Variants in GATAD2B observed in about 807,000 individuals in gnomAD.
GATAD2B encodes transcriptional repressor p66-beta.
In GATAD2B, 8 loss-of-function variants were observed where a neutral mutation model predicts 64.3. The ratio of observed to expected loss-of-function variants is 0.12; its 90% CI spans 0.07 to 0.22. The LOEUF (loss-of-function observed/expected upper bound fraction) is 0.22. Among genes scored for constraint, GATAD2B ranks in the 10% least tolerant of loss-of-function variants. The pLI, the probability that GATAD2B is intolerant of heterozygous loss-of-function variation, is 1.00. For synonymous variants in GATAD2B, 281 were observed against 271.3 expected, an observed-to-expected ratio of 1.04 and a Z score of -0.35; for missense variants, 453 against 752.0, an observed-to-expected ratio of 0.60 and a Z score of 4.65.
intron 1 of GATAD2B, among the ~76,000 whole-genome samples, chr1:153,919,994 C>T (rs897120877): frequency 1.3e-5 from 2 of 152,286 alleles, no homozygotes; most frequent in East Asian, 3.9e-4. Context: ...CTCAATGAGC[C>T]AAGCAACATG....
intron 1 of GATAD2B, among the ~76,000 whole-genome samples, chr1:153,851,802 A>C (rs1315254357): frequency 1.3e-5 from 2 of 152,174 alleles, no homozygotes; most frequent in Non-Finnish European, 2.9e-5. Context: ...ATTCAACACA[A>C]ACAGTAACAG....
At chr1:153,880,106 G>A (rs1676962849) in intron 1 of GATAD2B, among the ~76,000 whole-genome samples, 1 of 151,946 alleles carries the variant, frequency 6.6e-6, no homozygotes, top group Non-Finnish European at 1.5e-5. Flanking sequence ...CTGGCTTTTT[G>A]CTTCTCCTTA....
chr1:153,885,618 A>T (rs2101943665), intron 1 of GATAD2B, among the ~76,000 whole-genome samples: 2 of 152,084 alleles, frequency 1.3e-5, no homozygotes, highest in South Asian at 4.1e-4. Context: ...CTGTAATCCC[A>T]GCACTTTGGG....
intron 1 of GATAD2B, chr1:153,852,394 A>G (rs1320758350): frequency 1.1e-5 from 9 of 808,420 alleles, no homozygotes; most frequent in Admixed American, 1.0e-4. Context: ...CTGACCTTGG[A>G]TGTTCTGTGG....
At chr1:153,847,863 G>C (rs555603034) in intron 1 of GATAD2B, among the ~76,000 whole-genome samples, 1 of 151,884 alleles carries the variant, frequency 6.6e-6, no homozygotes, top group Non-Finnish European at 1.5e-5. Flanking sequence ...ATTTTCAACT[G>C]TGTTGGATAT....
At chr1:153,811,966 G>T in intron 9 of GATAD2B, 56 bp downstream of exon 9, 2 of 1,318,746 alleles carry the variant, frequency 1.5e-6, no homozygotes, top group Non-Finnish European at 1.1e-6. Flanking sequence ...GACAAATTGT[G>T]ATAAATGGCT....
At chr1:153,866,375 C>G in intron 1 of GATAD2B, among the ~76,000 whole-genome samples, 1 of 152,034 alleles carries the variant, frequency 6.6e-6, no homozygotes, top group Non-Finnish European at 1.5e-5. Context: ...ATTTCTCAAC[C>G]AAGCTTCTGA....
intron 1 of GATAD2B, among the ~76,000 whole-genome samples, chr1:153,830,620 C>T (rs1054727181): frequency 4.7e-5 from 7 of 148,784 alleles, no homozygotes; most frequent in Non-Finnish European, 9.0e-5. Flanking sequence ...GGACTACAGG[C>T]GCCCGCCACT....
intron 1 of GATAD2B, among the ~76,000 whole-genome samples, chr1:153,887,584 C>G (rs1291922947): frequency 1.3e-5 from 2 of 152,118 alleles, no homozygotes; most frequent in African/African-American, 4.8e-5. Context: ...TTAGGGAGTA[C>G]TGTTCTCAAA....
chr1:153,853,256 C>A (rs974580489), intron 1 of GATAD2B: 2 of 993,128 alleles, frequency 2.0e-6, no homozygotes, highest in African/African-American at 3.2e-5. Context: ...GGTCTTCACA[C>A]CCTTCCCTGC....
At chr1:153,918,174 C>T (rs1027576716) in intron 1 of GATAD2B, among the ~76,000 whole-genome samples, 1 of 152,182 alleles carries the variant, frequency 6.6e-6, no homozygotes, top group African/African-American at 2.4e-5. Context: ...GGAGGGCAAA[C>T]CATGTAAAGC....
chr1:153,872,722 C>T (rs577167515), intron 1 of GATAD2B, among the ~76,000 whole-genome samples: 19 of 152,242 alleles, frequency 1.2e-4, no homozygotes, highest in South Asian at 8.3e-4. Flanking sequence ...GTCTAAATAA[C>T]GTACTTTGTT....
chr1:153,882,313 A>G (rs1415988144), intron 1 of GATAD2B, among the ~76,000 whole-genome samples: 1 of 152,176 alleles, frequency 6.6e-6, no homozygotes, highest in Non-Finnish European at 1.5e-5. Flanking sequence ...ACCCCAAATT[A>G]TAACAAAATG....
intron 10 of GATAD2B, among the ~76,000 whole-genome samples, chr1:153,810,659 T>C (rs1674264056): frequency 6.6e-6 from 1 of 152,194 alleles, no homozygotes; most frequent in East Asian, 1.9e-4. Flanking sequence ...TTTCACCATG[T>C]TGGCCAGGCT....
chr1:153,914,041 G>A lies in GATAD2B; in HGVS notation c.-2+8692C>T, dbSNP rs137901561. Among the ~76,000 whole-genome samples the A allele has an allele frequency of 3.6e-3, 551 of 151,588 alleles. 2 individuals carry two copies. Among genetic ancestry groups the A allele is most frequent in the African/African-American group, 0.012 (512 of 41,322 alleles). ...AGGCGGATCACAAGGTCAGGAGTTC[G>A]AGACCAGCCTGGCCAACACAGTGAA... On this transcript the variant is annotated intron_variant, in intron 1 of 10. Transcript: ENST00000368655.
intron 1 of GATAD2B, among the ~76,000 whole-genome samples, chr1:153,898,317 A>C (rs1303078964): frequency 6.7e-6 from 1 of 150,238 alleles, no homozygotes; most frequent in Admixed American, 6.6e-5. Context: ...AAAAAAAAAA[A>C]AAAAAAGAAA....
At chr1:153,893,912 C>T (rs907072329) in intron 1 of GATAD2B, among the ~76,000 whole-genome samples, 3 of 136,292 alleles carry the variant, frequency 2.2e-5, no homozygotes, top group African/African-American at 5.4e-5. Flanking sequence ...GAGCCGAGAT[C>T]GCACCACTGC....
intron 1 of GATAD2B, among the ~76,000 whole-genome samples, chr1:153,906,811 A>G (rs990088367): frequency 2.6e-5 from 4 of 152,172 alleles, no homozygotes; most frequent in Non-Finnish European, 5.9e-5. Flanking sequence ...AACAACAAAA[A>G]CCCAATTAAA....
intron 1 of GATAD2B, among the ~76,000 whole-genome samples, chr1:153,919,690 G>A (rs952821823): frequency 2.0e-5 from 3 of 152,222 alleles, no homozygotes; most frequent in South Asian, 2.1e-4. Flanking sequence ...CCAAAAGCAG[G>A]AGAACTGCAA....
Sources: gnomAD v4.1 joint callset for allele counts (sites outside exome capture counted in the v4.1 genomes callset) on GRCh38, gnomAD v4.1.1 for gene constraint, MANE v1.5 for transcripts, NCBI Gene and HGNC (gene_info 2026-07-23, HGNC 2026-07-21) for gene names.